PUM3: variants seen among roughly 807,000 people sequenced by gnomAD.
The protein encoded by PUM3 is pumilio homolog 3.
PUM3 carries 91 observed loss-of-function variants against 84.0 expected under a neutral mutation model. The observed-to-expected ratio is 1.08, with a 90% CI of 0.91 to 1.29. The LOEUF (loss-of-function observed/expected upper bound fraction) is 1.29. Among genes scored for constraint, PUM3 ranks in the 50% most tolerant of loss-of-function variants. The pLI is 0.00. For synonymous variants in PUM3, 321 were observed against 266.7 expected (o/e 1.20, Z -1.98); for missense variants, 1,067 against 767.5 (o/e 1.39, Z -4.61).
rs774909237 is a variant in PUM3 at position 2,837,358 on chromosome 9, T to C, written c.126A>G (p.Lys42=). The C allele has an allele frequency of 1.9e-6, 3 of 1,613,708 alleles. No individual in the cohort carries two copies. The highest frequency in any genetic ancestry group is 1.1e-5 in the South Asian group (1 of 91,026). Residue 42 remains lysine, a synonymous_variant, in exon 3 of 18, where the codon AAA becomes AAG. Coordinates refer to ENST00000397885, the MANE Select transcript of PUM3 (RefSeq NM_014878.5). ...TAGATGTGACTTTAGGTCCACCTTC[T>C]TTAGCAACTTTCCTTGTTGGAAATG... ...SKTFPTRKVA[K]EGGPKVTSRN...
At chr9:2,811,926 G>C (rs1469198910) in intron 14 of PUM3, among the ~76,000 whole-genome samples, 1 of 151,662 alleles carries the variant, frequency 6.6e-6, no homozygotes, top group Non-Finnish European at 1.5e-5. Context: ...CCATACTCTA[G>C]GGTACTCAAA....
At chr9:2,810,752 T>C (rs1339383256) in intron 15 of PUM3, among the ~76,000 whole-genome samples, 1 of 152,202 alleles carries the variant, frequency 6.6e-6, no homozygotes, top group African/African-American at 2.4e-5. Flanking sequence ...TGGATTGAAA[T>C]ATGTCATTCT....
chr9:2,842,255 T>C (rs1304116774), intron 1 of PUM3, among the ~76,000 whole-genome samples: 1 of 152,208 alleles, frequency 6.6e-6, no homozygotes, highest in African/African-American at 2.4e-5. Flanking sequence ...CTGTTACCTC[T>C]TGCTCAGTTT....
intron 5 of PUM3, among the ~76,000 whole-genome samples, chr9:2,831,816 T>C (rs1815989406): frequency 6.6e-6 from 1 of 152,194 alleles, no homozygotes; most frequent in African/African-American, 2.4e-5. Context: ...AAGAAATAAA[T>C]ACAACTATGT....
rs1430043772 is a variant in PUM3 at position 2,837,189 on chromosome 9, T to C, written c.295A>G (p.Arg99Gly). Residue 99 changes from arginine (R) to glycine (G), a missense_variant, in exon 3 of 18, where the codon AGA becomes GGA. Arg to Gly is a moderately radical substitution (Grantham distance 125). Transcript: ENST00000397885. ...NKKRKFQPDG[R>G]SDESAAKKPK... The stretch of plus-strand genomic sequence containing the variant: ...ACGAACCAGTACTTACCATCGCTTC[T>C]ACCATCTGGCTGGAATTTTCTCTTC... 1.2e-6 allele frequency: 2 copies of C among 1,613,912 alleles called. No individual in the cohort carries two copies. The highest frequency in any genetic ancestry group is 2.7e-5 in the African/African-American group (2 of 74,932).
At chr9:2,839,252 G>T (rs1305292143) in intron 1 of PUM3, among the ~76,000 whole-genome samples, 1 of 152,174 alleles carries the variant, frequency 6.6e-6, no homozygotes, top group Admixed American at 6.5e-5. Context: ...AAGAGAAAAA[G>T]CCATTTGGCT....
At position 2,828,712 on chromosome 9, in the gene PUM3, C is replaced by G. The variant is rs1815888521; in HGVS notation, c.919G>C (p.Asp307His). The change falls in exon 9 of 18, where the codon GAT (aspartate) becomes CAT (histidine). Residue 307 changes from aspartate (D) to histidine (H), a missense_variant. Asp to His is a moderately conservative substitution (Grantham distance 81). Transcript: ENST00000397885. Reference sequence around the variant, plus strand: ...GGAGTTAGAATCTGTTTCATTTCATCCATAATAAGTTCTAATTTTTCTGGC... The same window carrying G: ...GGAGTTAGAATCTGTTTCATTTCATGCATAATAAGTTCTAATTTTTCTGGC... ...VQPEKLELIM[D>H]EMKQILTPMA... is the part of the protein sequence containing the mutation. 6.2e-7 allele frequency: 1 copy of G among 1,608,150 alleles called. No individual in the cohort carries two copies. The highest frequency in any genetic ancestry group is 1.3e-5 in the African/African-American group (1 of 74,758).
intron 7 of PUM3, among the ~76,000 whole-genome samples, chr9:2,830,384 T>G (rs190343900): frequency 4.3e-4 from 66 of 152,318 alleles, no homozygotes; most frequent in Admixed American, 1.1e-3. Context: ...TCAAAAAGAT[T>G]GGTCAAGACA....
intron 8 of PUM3, 77 bp from the exon 9 acceptor site, chr9:2,828,855 T>G: frequency 2.4e-6 from 2 of 821,584 alleles, no homozygotes; most frequent in Non-Finnish European, 2.0e-6. Context: ...AAGTAATTAG[T>G]CATTTTAAAA....
rs1365974206 is a variant in PUM3 at position 2,837,291 on chromosome 9, C to A, written c.193G>T (p.Val65Leu). 1.9e-6 allele frequency: 3 copies of A among 1,614,074 alleles called. No individual in the cohort carries two copies. Among genetic ancestry groups the A allele is most frequent in the Admixed American group, 1.7e-5 (1 of 60,018 alleles). ...KSITKLGKKG[V>L]KQFKNKQQGD... The stretch of plus-strand genomic sequence containing the variant: ...TGCTGCTTATTCTTGAACTGCTTTA[C>A]ACCCTTTTTCCCAAGTTTTGTGATA... Residue 65 changes from valine (V) to leucine (L), a missense_variant, in exon 3 of 18, where the codon GTA (valine) becomes TTA (leucine). Coordinates refer to ENST00000397885, the MANE Select transcript of PUM3 (RefSeq NM_014878.5).
At chr9:2,824,604 A>G in intron 11 of PUM3, 113 bp downstream of exon 11, 1 of 571,128 alleles carries the variant, frequency 1.8e-6, no homozygotes. Context: ...GATAATGCAC[A>G]ACAGGGCAAA....
chr9:2,831,261 T>C lies in PUM3; in HGVS notation c.600A>G (p.Glu200=). The stretch of plus-strand genomic sequence containing the variant: ...GTATGTAATAAATACCTCGCAATTC[T>C]TCAAAAGCCTGTTTTCTCTGTTCTT... The part of the protein sequence containing the change: ...GNEEQRKQAF[E]ELRDDLVELS... Residue 200 remains glutamate, a synonymous_variant, in exon 6 of 18, where the codon GAA becomes GAG. Transcript: ENST00000397885. 6.3e-7 allele frequency: 1 copy of C among 1,593,218 alleles called. No homozygotes were observed. The highest frequency in any genetic ancestry group is 8.6e-7 in the Non-Finnish European group (1 of 1,164,068).
rs1816036281 is a variant in PUM3, at chr9:2,833,412, TTTTC to T, written c.457_460del (p.Glu153LysfsTer3). ...CAAATCACTCATTAACTTTACTCTT[TTTTC>T]TTTGTCACAGTCTTTTCTACAAATG... On this transcript the variant is annotated frameshift_variant, in exon 5 of 18. Transcript: ENST00000397885. LOFTEE classifies it high-confidence loss of function. The T allele has an allele frequency of 6.3e-7, 1 of 1,587,518 alleles. No individual in the cohort carries two copies. The highest frequency in any genetic ancestry group is 1.3e-5 in the African/African-American group (1 of 74,370).
chr9:2,837,029 T>A (rs539085187), intron 3 of PUM3, 151 bp downstream of exon 3: 3 of 670,232 alleles, frequency 4.5e-6, no homozygotes, highest in Admixed American at 2.6e-5. Context: ...ATTGTGAGCA[T>A]GAAAGATGCT....
chr9:2,819,778 A>G (rs1014398377), intron 13 of PUM3, among the ~76,000 whole-genome samples: 5 of 152,232 alleles, frequency 3.3e-5, no homozygotes, highest in Admixed American at 1.3e-4. Flanking sequence ...TAAAAGTGTT[A>G]AATCTTAATT....
At chr9:2,835,189 A>G (rs1203463875) in intron 3 of PUM3, among the ~76,000 whole-genome samples, 1 of 152,134 alleles carries the variant, frequency 6.6e-6, no homozygotes, top group African/African-American at 2.4e-5. Flanking sequence ...GAAGAAGAAG[A>G]ATCATTTGAG....
At chr9:2,817,988 G>A (rs1821506051) in intron 13 of PUM3, among the ~76,000 whole-genome samples, 1 of 152,236 alleles carries the variant, frequency 6.6e-6, no homozygotes, top group Non-Finnish European at 1.5e-5. Flanking sequence ...TAGGAAAGTA[G>A]TAAGAAAGAG....
chr9:2,841,836 C>G (rs1050582470), intron 1 of PUM3, among the ~76,000 whole-genome samples: 49 of 152,094 alleles, frequency 3.2e-4, no homozygotes, highest in African/African-American at 1.1e-3. Flanking sequence ...CCCAGAAATG[C>G]TGGCAGATTT....
intron 3 of PUM3, 114 bp from the exon 4 acceptor site, chr9:2,834,280 C>A: frequency 1.2e-6 from 1 of 862,042 alleles, no homozygotes; most frequent in Non-Finnish European, 1.7e-6. Context: ...ATTCTGGAAG[C>A]TAAAAAGGGG....
Sources: gnomAD v4.1 joint callset for allele counts (sites outside exome capture counted in the v4.1 genomes callset) on GRCh38, gnomAD v4.1.1 for gene constraint, MANE v1.5 for transcripts, NCBI Gene and HGNC (gene_info 2026-07-23, HGNC 2026-07-21) for gene names.